Variants in GADD45G observed in about 807,000 individuals in gnomAD.
The protein encoded by GADD45G is growth arrest and DNA damage-inducible protein GADD45 gamma.
GADD45G carries 7 observed loss-of-function variants against 17.3 expected under a neutral mutation model. The ratio of observed to expected loss-of-function variants is 0.41; its 90% CI spans 0.23 to 0.76. GADD45G has a LOEUF of 0.76. GADD45G is among the 30% of genes least tolerant of loss of function. The pLI, the probability that GADD45G is intolerant of heterozygous loss-of-function variation, is 0.34. For synonymous variants in GADD45G, 93 were observed against 94.9 expected (o/e 0.98, Z 0.12); for missense variants, 149 against 219.2 (o/e 0.68, Z 2.02).
chr9:89,606,246 C>A lies in GADD45G; in HGVS notation c.*167C>A, dbSNP rs983280085. 2 of 626,560 alleles carry A rather than the reference C, an allele frequency of 3.2e-6. No individual in the cohort carries two copies. 38.8% of individuals were successfully genotyped at this position (626,560 alleles called of 1,614,324 possible). ...GGAGGCGCGGCCTCCCGAGGAGGGG[C>A]CCGGTGGCGGCAGGGCCAGGCTGGT... On this transcript the variant is annotated 3_prime_UTR_variant, in exon 4 of 4. Transcript: ENST00000252506.
At position 89,605,832 on chromosome 9, in the gene GADD45G, C is replaced by T; in HGVS notation, c.321C>T (p.Ala107=). The T allele has an allele frequency of 1.2e-6, 2 of 1,613,128 alleles. No homozygotes were observed. The highest frequency in any genetic ancestry group is 1.1e-5 in the South Asian group (1 of 91,064). The change falls in exon 3 of 4, where the codon GCC becomes GCT. Residue 107 remains alanine (A), a synonymous_variant. Coordinates refer to ENST00000252506, the MANE Select transcript of GADD45G (RefSeq NM_006705.4). ...AGCGGCTGGCGGCTATCGTGGGCGC[C>T]GGCGAGGAGGCGGGTGCGCCGGGCG... The part of the protein sequence containing the change: ...DVQRLAAIVG[A]GEEAGAPGDL...
Position 89,606,485 on chromosome 9 carries a change from G to A in GADD45G, c.*406G>A, listed in dbSNP as rs528098244. On this transcript the variant is annotated 3_prime_UTR_variant, in exon 4 of 4. Coordinates refer to ENST00000252506, the MANE Select transcript of GADD45G (RefSeq NM_006705.4). ...GCGCTGCTTTTTCAAAACGGATCCG[G>A]GCAATGCTTCGTTTTCTAAAGGATG... 1 of 221,420 alleles carries A rather than the reference G, an allele frequency of 4.5e-6. No homozygotes were observed. Among genetic ancestry groups the A allele is most frequent in the South Asian group, 9.3e-5 (1 of 10,768 alleles). The allele number at this position is 221,420 out of a possible 1,614,324, so 13.7% of individuals were successfully genotyped here.
chr9:89,605,995 T>A lies in GADD45G; in HGVS notation c.396T>A (p.Asp132Glu), dbSNP rs1827519330. The A allele has an allele frequency of 1.2e-6, 2 of 1,613,586 alleles. No individual in the cohort carries two copies. Among genetic ancestry groups the A allele is most frequent in the Non-Finnish European group, 1.7e-6 (2 of 1,179,726 alleles). ...ISNPNEDAWK[D>E]PALEKLSLFC... ...ACCCCAACGAGGACGCCTGGAAGGA[T>A]CCCGCCTTGGAGAAGCTCAGCCTGT... The change falls in exon 4 of 4, where the codon GAT (aspartate) becomes GAA (glutamate). Residue 132 changes from aspartate (D) to glutamate (E), a missense_variant. Physicochemically the swap from Asp to Glu is conservative, Grantham distance 45 (BLOSUM62 2). Coordinates refer to ENST00000252506, the MANE Select transcript of GADD45G (RefSeq NM_006705.4).
Position 89,606,023 on chromosome 9 carries a change from T to A in GADD45G, c.424T>A (p.Cys142Ser). ...DPALEKLSLF[C>S]EESRSVNDWV... ...CGCCTTGGAGAAGCTCAGCCTGTTT[T>A]GCGAGGAGAGCCGCAGCGTTAACGA... Residue 142 changes from cysteine (C) to serine (S), a missense_variant, in exon 4 of 4, where the codon TGC becomes AGC. Around this residue, in one of 3 missense-constraint regions of GADD45G, gnomAD observed 73 missense variants for 84.3 expected, o/e 0.87. Transcript: ENST00000252506. 6.2e-7 allele frequency: 1 copy of A among 1,613,834 alleles called. No individual in the cohort carries two copies. Among genetic ancestry groups the A allele is most frequent in the Non-Finnish European group, 8.5e-7 (1 of 1,179,848 alleles).
At position 89,605,321 on chromosome 9, in the gene GADD45G, A is replaced by AT. The variant is rs1418022271; in HGVS notation, c.54-109dup. The AT allele has an allele frequency of 1.2e-5, 13 of 1,100,070 alleles. 1 individual carries two copies. Among genetic ancestry groups the AT allele is most frequent in the Non-Finnish European group, 1.8e-5 (13 of 741,892 alleles). 68.1% of individuals were successfully genotyped at this position (1,100,070 alleles called of 1,614,324 possible). ...GCCGGGGTGCAGGCGCTGAGCCGGG[A>AT]TTGGAGTGTGGTTGGAGTTGGGGAG... On this transcript the variant is annotated intron_variant, in intron 1 of 3. Transcript: ENST00000252506.
rs1356900047 is a variant in GADD45G at position 89,606,478 on chromosome 9, G to A, written c.*399G>A. 3.0e-5 allele frequency: 7 copies of A among 231,816 alleles called. No individual in the cohort carries two copies. The highest frequency in any genetic ancestry group is 5.9e-5 in the Non-Finnish European group (7 of 118,014). The allele number at this position is 231,816 out of a possible 1,614,324, so 14.4% of individuals were successfully genotyped here. A position where few individuals can be genotyped will look rare whatever the true frequency, so the allele number is the denominator to read the frequency against. On this transcript the variant is annotated 3_prime_UTR_variant, in exon 4 of 4. Coordinates refer to ENST00000252506, the MANE Select transcript of GADD45G (RefSeq NM_006705.4). Reference sequence around the variant, plus strand: ...GCCGACTGCGCTGCTTTTTCAAAACGGATCCGGGCAATGCTTCGTTTTCTA... The same window carrying A: ...GCCGACTGCGCTGCTTTTTCAAAACAGATCCGGGCAATGCTTCGTTTTCTA...
At chr9:89,605,207 C>T (rs1312533472) in intron 1 of GADD45G, 33 bp downstream of exon 1, 22 of 1,596,824 alleles carry the variant, frequency 1.4e-5, no homozygotes, top group Non-Finnish European at 1.9e-5. Flanking sequence ...AGCCGCTGGT[C>T]GGTCGGCGAC....
chr9:89,605,092 G>A lies in GADD45G; in HGVS notation c.-30G>A. ...CGCGTCCCCTCCGCGCTCTCCGCTT[G>A]TGGATAACTAGCTGCTGGTTGATCG... On this transcript the variant is annotated 5_prime_UTR_variant, in exon 1 of 4. In the 5' UTR this introduces an upstream ATG that the reference lacks. Transcript: ENST00000252506. The A allele has an allele frequency of 6.2e-7, 1 of 1,604,044 alleles. No homozygotes were observed. The highest frequency in any genetic ancestry group is 8.5e-7 in the Non-Finnish European group (1 of 1,171,568).
chr9:89,605,855 G>A lies in GADD45G; in HGVS notation c.344G>A (p.Gly115Asp), dbSNP rs751783234. ...VGAGEEAGAP[G>D]DLHCILISNP... ...GCCGGCGAGGAGGCGGGTGCGCCGG[G>A]CGACCTGCACTGCATCCTCATTTCG... The change falls in exon 3 of 4, where the codon GGC becomes GAC. Residue 115 changes from glycine (G) to aspartate (D), a missense_variant. Physicochemically the swap from Gly to Asp is moderately conservative, Grantham distance 94. Around this residue, in one of 3 missense-constraint regions of GADD45G, gnomAD observed 73 missense variants for 84.3 expected, o/e 0.87. Transcript: ENST00000252506. 35 of 1,611,938 alleles carry A rather than the reference G, an allele frequency of 2.2e-5. 1 individual carries two copies. Among genetic ancestry groups the A allele is most frequent in the South Asian group, 1.2e-4 (11 of 90,888 alleles).
rs1285058850 is a variant in GADD45G, at chr9:89,606,041, G to A, written c.442G>A (p.Val148Ile). 6.2e-7 allele frequency: 1 copy of A among 1,613,244 alleles called. No individual in the cohort carries two copies. Among genetic ancestry groups the A allele is most frequent in the Middle Eastern group, 1.7e-4 (1 of 6,060 alleles). Reference protein sequence around the residue: ...LSLFCEESRSVNDWVPSITLP... With the variant: ...LSLFCEESRSINDWVPSITLP... ...CCTGTTTTGCGAGGAGAGCCGCAGC[G>A]TTAACGACTGGGTGCCCAGCATCAC... Residue 148 changes from valine (V) to isoleucine (I), a missense_variant, in exon 4 of 4, where the codon GTT (valine) becomes ATT (isoleucine). Transcript: ENST00000252506.
In GADD45G at chr9:89,606,178, G is replaced by A. The variant is rs556750242; in HGVS notation, c.*99G>A. On this transcript the variant is annotated 3_prime_UTR_variant, in exon 4 of 4. Coordinates refer to ENST00000252506, the MANE Select transcript of GADD45G (RefSeq NM_006705.4). ...AGGGGCCCTCCGAGGGTGCCCGAGT[G>A]CGGCGTGGAGACTGGCAGGCGGGGG... The A allele has an allele frequency of 2.0e-4, 173 of 879,686 alleles. No homozygotes were observed. The highest frequency in any genetic ancestry group is 1.9e-3 in the African/African-American group (113 of 59,934). 54.5% of individuals were successfully genotyped at this position (879,686 alleles called of 1,614,324 possible).
chr9:89,606,327 G>A lies in GADD45G; in HGVS notation c.*248G>A, dbSNP rs1827526415. 7.2e-6 allele frequency: 4 copies of A among 554,576 alleles called. No homozygotes were observed. The highest frequency in any genetic ancestry group is 4.7e-4 in the Middle Eastern group (1 of 2,112). The allele number at this position is 554,576 out of a possible 1,614,324, so 34.4% of individuals were successfully genotyped here. ...CGGCTGCTCGCCCAGGAAGGCCTAG[G>A]CTAGGACGTTGGCCTCAGGGCCAGG... On this transcript the variant is annotated 3_prime_UTR_variant, in exon 4 of 4. Coordinates refer to ENST00000252506, the MANE Select transcript of GADD45G (RefSeq NM_006705.4).
In GADD45G at chr9:89,605,962, T is replaced by C. The variant is rs1476514848; in HGVS notation, c.370-7T>C. 6 of 1,608,808 alleles carry C rather than the reference T, an allele frequency of 3.7e-6. No homozygotes were observed. The Admixed American group carries it at 8.4e-5, about 23-fold the overall frequency. On this transcript the variant is annotated splice_region_variant and splice_polypyrimidine_tract_variant and intron_variant, in intron 3 of 3. Coordinates refer to ENST00000252506, the MANE Select transcript of GADD45G (RefSeq NM_006705.4). ...CCAGCCAGGCTGACCCTGCTCTCTC[T>C]CCGCAGAACCCCAACGAGGACGCCT...
Position 89,605,492 on chromosome 9 carries a change from C to T in GADD45G, c.114C>T (p.Cys38=), listed in dbSNP as rs1204236640. Residue 38 remains cysteine, a synonymous_variant, in exon 2 of 4, where the codon TGC becomes TGT. Coordinates refer to ENST00000252506, the MANE Select transcript of GADD45G (RefSeq NM_006705.4). ...TGCTGTCGGCGCAGCGTCAGGGCTGCCTCACTGCCGGCGTCTACGAGTCAG... is the reference window on the plus strand; with the variant it reads ...TGCTGTCGGCGCAGCGTCAGGGCTGTCTCACTGCCGGCGTCTACGAGTCAG... ...ELLLSAQRQG[C]LTAGVYESAK... 1 of 1,562,962 alleles carries T rather than the reference C, an allele frequency of 6.4e-7. No homozygotes were observed. The highest frequency in any genetic ancestry group is 2.4e-5 in the East Asian group (1 of 41,730).
chr9:89,606,236 CG>C lies in GADD45G; in HGVS notation c.*158del. Reference sequence around the variant, plus strand: ...TGGAGAGCGAGGAGGCGCGGCCTCCCGAGGAGGGGCCCGGTGGCGGCAGGGC... The same window carrying C: ...TGGAGAGCGAGGAGGCGCGGCCTCCCAGGAGGGGCCCGGTGGCGGCAGGGC... On this transcript the variant is annotated 3_prime_UTR_variant, in exon 4 of 4. Coordinates refer to ENST00000252506, the MANE Select transcript of GADD45G (RefSeq NM_006705.4). 1 of 637,632 alleles carries C rather than the reference CG, an allele frequency of 1.6e-6. No homozygotes were observed. The highest frequency in any genetic ancestry group is 2.8e-6 in the Non-Finnish European group (1 of 357,688). The allele number at this position is 637,632 out of a possible 1,614,324, so 39.5% of individuals were successfully genotyped here.
rs376998051 is a variant in GADD45G, at chr9:89,606,104, A to C, written c.*25A>C. ...ACAGCCCGGCGGGGACCTTGGTCTG[A>C]TCGACGTGGTGACGCCCCGGGGCGC... On this transcript the variant is annotated 3_prime_UTR_variant, in exon 4 of 4. Transcript: ENST00000252506. The C allele has an allele frequency of 3.2e-6, 5 of 1,550,432 alleles. No homozygotes were observed. Among genetic ancestry groups the C allele is most frequent in the Middle Eastern group, 1.7e-4 (1 of 5,802 alleles).
In GADD45G at chr9:89,606,362, C is replaced by T; in HGVS notation, c.*283C>T. On this transcript the variant is annotated 3_prime_UTR_variant, in exon 4 of 4. Coordinates refer to ENST00000252506, the MANE Select transcript of GADD45G (RefSeq NM_006705.4). ...TGGCCTCAGGGCCAGGAAGGACAGA[C>T]TGGCCGGGCAGGCGTGACTCAGCAG... 1 of 487,788 alleles carries T rather than the reference C, an allele frequency of 2.1e-6. No individual in the cohort carries two copies. Among genetic ancestry groups the T allele is most frequent in the Non-Finnish European group, 3.7e-6 (1 of 270,968 alleles). 30.2% of individuals were successfully genotyped at this position (487,788 alleles called of 1,614,324 possible). A position where few individuals can be genotyped will look rare whatever the true frequency, so the allele number is the denominator to read the frequency against.
rs998544274 is a variant in GADD45G at position 89,606,248 on chromosome 9, C to CGGT, written c.*172_*174dup. On this transcript the variant is annotated 3_prime_UTR_variant, in exon 4 of 4. Transcript: ENST00000252506. ...AGGCGCGGCCTCCCGAGGAGGGGCC[C>CGGT]GGTGGCGGCAGGGCCAGGCTGGTCC... The CGGT allele has an allele frequency of 8.0e-6, 5 of 624,236 alleles. No homozygotes were observed. The African/African-American group carries it at 9.3e-5, about 12-fold the overall frequency. The allele number at this position is 624,236 out of a possible 1,614,324, so 38.7% of individuals were successfully genotyped here.
chr9:89,605,685 C>T lies in GADD45G; in HGVS notation c.174C>T (p.Thr58=), dbSNP rs762285868. 1.9e-6 allele frequency: 3 copies of T among 1,614,058 alleles called. No individual in the cohort carries two copies. The highest frequency in any genetic ancestry group is 2.5e-6 in the Non-Finnish European group (3 of 1,180,004). The change falls in exon 3 of 4, where the codon ACC becomes ACT. Residue 58 remains threonine (T), a synonymous_variant. Transcript: ENST00000252506. ...KVLNVDPDNV[T]FCVLAAGEED... ...CTCGCAGGGACCCCGACAATGTGAC[C>T]TTCTGTGTGCTGGCTGCGGGTGAGG...
Sources: gnomAD v4.1 joint callset for allele counts on GRCh38, gnomAD v4.1.1 for gene constraint, gnomAD v4.1.1 regional missense constraint, MANE v1.5 for transcripts, NCBI Gene and HGNC (gene_info 2026-07-23, HGNC 2026-07-21) for gene names.